KLF7: variants seen among roughly 807,000 people sequenced by gnomAD.
KLF7 encodes KLF transcription factor 7, also known as Krueppel-like factor 7.
KLF7 carries 2 observed loss-of-function variants against 27.3 expected under a neutral mutation model. The ratio of observed to expected loss-of-function variants is 0.07; its 90% CI spans 0.03 to 0.23. The LOEUF (loss-of-function observed/expected upper bound fraction) is 0.23, where lower values mean the gene tolerates loss of function less well. KLF7 is among the 10% of genes least tolerant of loss of function. The probability of loss-of-function intolerance (pLI) is 1.00; values close to 1 mark genes in which losing one functional copy is unlikely to be tolerated. For missense variants in KLF7, 221 were observed against 394.1 expected, an observed-to-expected ratio of 0.56 and a Z score of 3.72; for synonymous variants, 165 against 162.4, an observed-to-expected ratio of 1.02 and a Z score of -0.12.
In KLF7 at chr2:207,134,429, G is replaced by A. The variant is rs181374922; in HGVS notation, c.103-10025C>T. On this transcript the variant is annotated intron_variant, in intron 1 of 3. Coordinates refer to ENST00000309446, the MANE Select transcript of KLF7 (RefSeq NM_003709.4). ...TGCAATTTAGTGGCTGGTAATCATAGAGGATGCTTTCAAAACGGAGAGCTT... is the reference window on the plus strand; with the variant it reads ...TGCAATTTAGTGGCTGGTAATCATAAAGGATGCTTTCAAAACGGAGAGCTT... 3.0e-3 allele frequency among the ~76,000 whole-genome samples: 454 copies of A among 152,206 alleles called. 1 individual carries two copies. Among genetic ancestry groups the A allele is most frequent in the Non-Finnish European group, 5.3e-3 (358 of 68,014 alleles).
At chr2:207,088,638 CA>C in intron 2 of KLF7, 57 bp from the exon 3 acceptor site, 1 of 1,578,748 alleles carries the variant, frequency 6.3e-7, no homozygotes, top group African/African-American at 1.3e-5. Flanking sequence ...GGATTACACC[CA>C]ACCAGCCTGT....
chr2:207,138,242 A>C (rs1030146200), intron 1 of KLF7, among the ~76,000 whole-genome samples: 2 of 152,230 alleles, frequency 1.3e-5, no homozygotes, highest in African/African-American at 4.8e-5. Context: ...CATTAGCAGC[A>C]TAAGGGGGAA....
At chr2:207,116,402 T>TA (rs2077189592) in intron 2 of KLF7, among the ~76,000 whole-genome samples, 1 of 152,196 alleles carries the variant, frequency 6.6e-6, no homozygotes, top group Admixed American at 6.5e-5. Flanking sequence ...CCAATTTGTT[T>TA]AAAAAAATTA....
At chr2:207,084,119 C>G (rs920742269) in intron 3 of KLF7, among the ~76,000 whole-genome samples, 1 of 152,044 alleles carries the variant, frequency 6.6e-6, no homozygotes, top group Admixed American at 6.5e-5. Context: ...GAAAATTAAT[C>G]CTGAGGTTAG....
chr2:207,104,464 T>C (rs1428398231), intron 2 of KLF7, among the ~76,000 whole-genome samples: 2 of 152,168 alleles, frequency 1.3e-5, no homozygotes, highest in Non-Finnish European at 2.9e-5. Flanking sequence ...CCACCTTCAA[T>C]GGGTGATAGG....
chr2:207,152,291 A>ACG (rs1469424580), intron 1 of KLF7, among the ~76,000 whole-genome samples: 1 of 10,228 alleles, frequency 9.8e-5, no homozygotes, highest in African/African-American at 1.0e-4. Context: ...ACACACACAC[A>ACG]CACACACACA....
chr2:207,158,495 C>A (rs1257928802), intron 1 of KLF7, among the ~76,000 whole-genome samples: 1 of 152,148 alleles, frequency 6.6e-6, no homozygotes, highest in Non-Finnish European at 1.5e-5. Flanking sequence ...AGAAACAAAG[C>A]AATTTCACGT....
intron 1 of KLF7, among the ~76,000 whole-genome samples, chr2:207,151,083 A>G (rs895118297): frequency 6.6e-6 from 1 of 150,528 alleles, no homozygotes; most frequent in African/African-American, 2.4e-5. Flanking sequence ...AGCCTTAGAG[A>G]GGCGTTAAAG....
At chr2:207,091,256 T>C (rs2076504517) in intron 2 of KLF7, among the ~76,000 whole-genome samples, 1 of 152,234 alleles carries the variant, frequency 6.6e-6, no homozygotes, top group East Asian at 1.9e-4. Flanking sequence ...TGACAAATAA[T>C]ATCAAGGATA....
Position 207,143,395 on chromosome 2 carries a change from G to GA in KLF7, c.103-18992dup, listed in dbSNP as rs11324153. On this transcript the variant is annotated intron_variant, in intron 1 of 3. Transcript: ENST00000309446. ...GGAAGAGGAACAAAAGAAATGACAT[G>GA]AAAAAAAAAAATCCCTCCATTTACC... Among the ~76,000 whole-genome samples, 33 of 129,586 alleles carry GA rather than the reference G, an allele frequency of 2.5e-4. No individual in the cohort carries two copies. In the Middle Eastern group the frequency reaches 0.011, roughly 45 times the overall value. 85.0% of individuals were successfully genotyped at this position (129,586 alleles called of 152,430 possible).
upstream of KLF7, among the ~76,000 whole-genome samples, chr2:207,168,105 C>A (rs1574615463): frequency 6.6e-6 from 1 of 151,976 alleles, no homozygotes; most frequent in East Asian, 1.9e-4. Flanking sequence ...AAAACATGTT[C>A]ATGAATAATA....
chr2:207,137,880 C>G (rs2077832633), intron 1 of KLF7, among the ~76,000 whole-genome samples: 1 of 152,148 alleles, frequency 6.6e-6, no homozygotes, highest in Non-Finnish European at 1.5e-5. Flanking sequence ...AGTTGATGTT[C>G]CATCATGTAA....
chr2:207,093,708 C>T (rs753022244), intron 2 of KLF7, among the ~76,000 whole-genome samples: 7 of 152,164 alleles, frequency 4.6e-5, no homozygotes, highest in Non-Finnish European at 8.8e-5. Flanking sequence ...GGCTCAATCC[C>T]GTCCGATACA....
rs538108823 is a variant in KLF7 at position 207,077,114 on chromosome 2, T to C, written c.*4099A>G. ...GCACTTCCCACTTTTTACTTAACAT[T>C]TTATGAAGTGACTTCCATAAAGGAA... On this transcript the variant is annotated 3_prime_UTR_variant, in exon 4 of 4. Transcript: ENST00000309446. 1.4e-4 allele frequency: 21 copies of C among 152,332 alleles called. No individual in the cohort carries two copies. Among genetic ancestry groups the C allele is most frequent in the African/African-American group, 4.6e-4 (19 of 41,586 alleles). 9.4% of individuals were successfully genotyped at this position (152,332 alleles called of 1,614,324 possible).
intron 1 of KLF7, among the ~76,000 whole-genome samples, chr2:207,132,846 T>C (rs2077674198): frequency 6.6e-6 from 1 of 152,196 alleles, no homozygotes; most frequent in South Asian, 2.1e-4. Context: ...CCTCATTCAT[T>C]ATGTCTGTGA....
chr2:207,156,549 C>T (rs548699841), intron 1 of KLF7, among the ~76,000 whole-genome samples: 54 of 152,304 alleles, frequency 3.5e-4, no homozygotes, highest in African/African-American at 1.3e-3. Context: ...GGCCAAGGGC[C>T]TACTGAGAAT....
At chr2:207,135,301 C>T (rs1044586950) in intron 1 of KLF7, among the ~76,000 whole-genome samples, 2 of 147,602 alleles carry the variant, frequency 1.4e-5, no homozygotes, top group African/African-American at 4.9e-5. Context: ...GATAGCTCTG[C>T]TGTCATTGAG....
At chr2:207,107,274 C>T (rs1391929024) in intron 2 of KLF7, among the ~76,000 whole-genome samples, 1 of 152,158 alleles carries the variant, frequency 6.6e-6, no homozygotes, top group East Asian at 1.9e-4. Flanking sequence ...CTGCTCCTTC[C>T]AGGGCAAGCA....
chr2:207,149,555 T>A (rs1441102068), intron 1 of KLF7, among the ~76,000 whole-genome samples: 1 of 152,214 alleles, frequency 6.6e-6, no homozygotes, highest in Admixed American at 6.5e-5. Context: ...CGGGAGAGCC[T>A]CTCACAGACA....
Sources: allele counts gnomAD v4.1 joint callset (sites outside exome capture counted in the v4.1 genomes callset), GRCh38; gene constraint gnomAD v4.1.1; transcripts MANE v1.5; gene names NCBI Gene and HGNC (gene_info 2026-07-23, HGNC 2026-07-21).